The following CLTC variants were observed in gnomAD, a reference collection of about 807,000 sequenced individuals.
The protein encoded by CLTC is clathrin heavy chain.
CLTC carries 16 observed loss-of-function variants against 195.8 expected under a neutral mutation model. The ratio of observed to expected loss-of-function variants is 0.08; its 90% CI spans 0.06 to 0.12. The LOEUF (loss-of-function observed/expected upper bound fraction) is 0.12. CLTC is among the 10% of genes least tolerant of loss of function. The pLI is 1.00. For synonymous variants in CLTC, 667 were observed against 689.4 expected, an observed-to-expected ratio of 0.97 and a Z score of 0.51; for missense variants, 796 against 2,027.0, an observed-to-expected ratio of 0.39 and a Z score of 11.66.
chr17:59,641,603 CAAAAAAAAAAA>C lies in CLTC; in HGVS notation c.43-2659_43-2649del, dbSNP rs34208843. ...CTGGCGACAGAGCAAGACTCCATCTCAAAAAAAAAAAAAAAAAAAAAAAAGAGTTTGTCACT... is the reference window on the plus strand; with the variant it reads ...CTGGCGACAGAGCAAGACTCCATCTCAAAAAAAAAAAAAGAGTTTGTCACT... On this transcript the variant is annotated intron_variant, in intron 1 of 31. Coordinates refer to ENST00000269122, the MANE Select transcript of CLTC (RefSeq NM_004859.4). Among the ~76,000 whole-genome samples, 68 of 48,852 alleles carry C rather than the reference CAAAAAAAAAAA, an allele frequency of 1.4e-3. 1 individual carries two copies. Among genetic ancestry groups the C allele is most frequent in the African/African-American group, 6.1e-3 (67 of 11,038 alleles). 32.0% of individuals were successfully genotyped at this position (48,852 alleles called of 152,430 possible). A position where few individuals can be genotyped will look rare whatever the true frequency, so the allele number is the denominator to read the frequency against.
intron 14 of CLTC, 71 bp downstream of exon 14, chr17:59,669,011 G>T: frequency 7.2e-7 from 1 of 1,380,264 alleles, no homozygotes; most frequent in South Asian, 1.5e-5. Context: ...TTTGGTCATA[G>T]TTCAAAAATA....
intron 30 of CLTC, chr17:59,686,909 C>A (rs769336447): frequency 1.5e-5 from 11 of 746,712 alleles, no homozygotes; most frequent in Non-Finnish European, 1.6e-5. Context: ...TTAGATGTTT[C>A]TTCCCTAAAC....
intron 1 of CLTC, among the ~76,000 whole-genome samples, chr17:59,632,007 C>T (rs547033048): frequency 6.7e-6 from 1 of 149,752 alleles, no homozygotes; most frequent in Non-Finnish European, 1.5e-5. Context: ...AGAAGTAAAT[C>T]CCAGAATTAA....
Position 59,655,965 on chromosome 17 carries a change from A to G in CLTC, c.907A>G (p.Ile303Val), listed in dbSNP as rs1408457952. The G allele has an allele frequency of 6.2e-7, 1 of 1,613,166 alleles. No homozygotes were observed. Among genetic ancestry groups the G allele is most frequent in the African/African-American group, 1.3e-5 (1 of 74,894 alleles). ...IYMNRISGET[I>V]FVTAPHEATA... ...CATGAATAGAATCAGTGGAGAAACA[A>G]TTTTTGTTACTGCACCTCATGAAGC... Residue 303 changes from isoleucine (I) to valine (V), a missense_variant, in exon 6 of 32, where the codon ATT (isoleucine) becomes GTT (valine). Physicochemically the swap from Ile to Val is conservative, Grantham distance 29. Around this residue, in one of 9 missense-constraint regions of CLTC, gnomAD observed 293 missense variants for 795.6 expected, o/e 0.37. Transcript: ENST00000269122.
intron 1 of CLTC, among the ~76,000 whole-genome samples, chr17:59,636,145 AAAAC>A (rs2031854377): frequency 6.6e-6 from 1 of 152,148 alleles, no homozygotes; most frequent in African/African-American, 2.4e-5. Context: ...AAAAAAAAAA[AAAAC>A]AGTCTATATC....
chr17:59,681,649 C>G lies in CLTC; in HGVS notation c.3252C>G (p.Val1084=), dbSNP rs756284105. 6.2e-7 allele frequency: 1 copy of G among 1,610,282 alleles called. No individual in the cohort carries two copies. The highest frequency in any genetic ancestry group is 1.1e-5 in the South Asian group (1 of 90,706). The change falls in exon 21 of 32, where the codon GTC becomes GTG. Residue 1084 remains valine (V), a splice_region_variant and synonymous_variant. Coordinates refer to ENST00000269122, the MANE Select transcript of CLTC (RefSeq NM_004859.4). This position sits in a 1 kb window ranked among gnomAD's most constrained non-coding sequence, Gnocchi z 5.0. ...KFDVNTSAVQ[V]LIEHIGNLDR... Reference sequence around the variant, plus strand: ...TAATTTCAAACTTGGATACTTAGGTCTTAATTGAGCATATTGGAAACTTGG... The same window carrying G: ...TAATTTCAAACTTGGATACTTAGGTGTTAATTGAGCATATTGGAAACTTGG...
At chr17:59,638,703 T>C (rs997746473) in intron 1 of CLTC, among the ~76,000 whole-genome samples, 1 of 152,158 alleles carries the variant, frequency 6.6e-6, no homozygotes, top group African/African-American at 2.4e-5. Flanking sequence ...GAGAATCTAA[T>C]GCCGTGGCTG....
chr17:59,681,583 A>C lies in CLTC; in HGVS notation c.3250-64A>C. 6.4e-7 allele frequency: 1 copy of C among 1,572,996 alleles called. No homozygotes were observed. The highest frequency in any genetic ancestry group is 8.7e-7 in the Non-Finnish European group (1 of 1,151,674). On this transcript the variant is annotated intron_variant, in intron 20 of 31. Coordinates refer to ENST00000269122, the MANE Select transcript of CLTC (RefSeq NM_004859.4). The surrounding 1 kb of genome is among the most constrained non-coding windows in gnomAD (Gnocchi z 5.0). The stretch of plus-strand genomic sequence containing the variant: ...AGCAGCAATAAAATACTAACAGCTT[A>C]AATGTAATTGCTTTGGGTAGGATTG...
At chr17:59,627,193 G>A (rs2031578511) in intron 1 of CLTC, among the ~76,000 whole-genome samples, 1 of 152,150 alleles carries the variant, frequency 6.6e-6, no homozygotes, top group African/African-American at 2.4e-5. Context: ...GAGACACCAA[G>A]CCTTGTCCTA....
rs771780845 is a variant in CLTC at position 59,666,292 on chromosome 17, G to C, written c.1782+52G>C. On this transcript the variant is annotated intron_variant, in intron 11 of 31. Coordinates refer to ENST00000269122, the MANE Select transcript of CLTC (RefSeq NM_004859.4). The surrounding 1 kb of genome is among the most constrained non-coding windows in gnomAD (Gnocchi z 4.9). ...TGTTTCCAACATTGTTTTAGTAATT[G>C]TGCAGCGCCTCTCAGATTGTTATGC... The C allele has an allele frequency of 3.8e-6, 6 of 1,595,418 alleles. No homozygotes were observed. In the South Asian group the frequency reaches 5.5e-5, roughly 15 times the overall value.
At position 59,666,850 on chromosome 17, in the gene CLTC, C is replaced by G. The variant is rs1405877571; in HGVS notation, c.2001C>G (p.Leu667=). ...SLSVEDSLEC[L]RAMLSANIRQ... is the part of the protein sequence containing the mutation. The stretch of plus-strand genomic sequence containing the variant: ...CAGTAGAAGACTCCCTAGAATGTCT[C>G]AGAGCCATGCTGTCTGCCAACATCC... Residue 667 remains leucine, a synonymous_variant, in exon 13 of 32, where the codon CTC becomes CTG. Transcript: ENST00000269122. The surrounding 1 kb of genome is among the most constrained non-coding windows in gnomAD (Gnocchi z 4.9). 2 of 1,613,886 alleles carry G rather than the reference C, an allele frequency of 1.2e-6. No individual in the cohort carries two copies. Among genetic ancestry groups the G allele is most frequent in the Non-Finnish European group, 8.5e-7 (1 of 1,179,964 alleles).
chr17:59,659,909 G>A (rs2032570088), intron 6 of CLTC, among the ~76,000 whole-genome samples: 1 of 152,096 alleles, frequency 6.6e-6, no homozygotes, highest in Non-Finnish European at 1.5e-5. Context: ...AAAATTAAAA[G>A]GAGTATACCT....
In CLTC at chr17:59,693,933, A is replaced by G; in HGVS notation, c.*81A>G. The G allele has an allele frequency of 7.2e-7, 1 of 1,390,140 alleles. No individual in the cohort carries two copies. The highest frequency in any genetic ancestry group is 9.5e-7 in the Non-Finnish European group (1 of 1,049,182). The allele number at this position is 1,390,140 out of a possible 1,614,324, so 86.1% of individuals were successfully genotyped here. A position where few individuals can be genotyped will look rare whatever the true frequency, so the allele number is the denominator to read the frequency against. Reference sequence around the variant, plus strand: ...CACTTCTCAGTTTATAATGGGGGAAAACAGGCAACGTGTTCTTGTAACCTT... The same window carrying G: ...CACTTCTCAGTTTATAATGGGGGAAGACAGGCAACGTGTTCTTGTAACCTT... On this transcript the variant is annotated 3_prime_UTR_variant, in exon 32 of 32. Transcript: ENST00000269122.
chr17:59,674,449 A>G (rs1434058712), intron 15 of CLTC, among the ~76,000 whole-genome samples: 6 of 152,000 alleles, frequency 3.9e-5, no homozygotes, highest in South Asian at 2.1e-4. Context: ...AACTAACCAA[A>G]CCGGTAGAGA....
At chr17:59,671,216 T>C (rs1024575893) in intron 14 of CLTC, 12 of 152,184 alleles carry the variant, frequency 7.9e-5, no homozygotes, top group Non-Finnish European at 1.8e-4. Flanking sequence ...GAGGTGAATT[T>C]AGGGTCTTAC....
chr17:59,649,007 G>T (rs1409974510), intron 4 of CLTC, among the ~76,000 whole-genome samples: 2 of 152,144 alleles, frequency 1.3e-5, no homozygotes, highest in Non-Finnish European at 2.9e-5. Flanking sequence ...AGGCAATGTA[G>T]ACTACAGGTG....
intron 10 of CLTC, 143 bp downstream of exon 10, chr17:59,665,052 C>CTACAA: frequency 1.9e-6 from 2 of 1,046,604 alleles, no homozygotes; most frequent in Admixed American, 5.5e-5. Context: ...TTGTGAGACC[C>CTACAA]TGTAACTACA....
chr17:59,620,249 G>T, intron 1 of CLTC, 76 bp downstream of exon 1: 3 of 1,530,802 alleles, frequency 2.0e-6, no homozygotes, highest in Non-Finnish European at 2.7e-6. Context: ...GTCTGGGCCC[G>T]AGCAGTATCG....
rs190238753 is a variant in CLTC, at chr17:59,696,350, C to T, written c.*2498C>T. The T allele has an allele frequency of 2.4e-4, 52 of 220,976 alleles. No individual in the cohort carries two copies. The highest frequency in any genetic ancestry group is 1.1e-3 in the African/African-American group (49 of 44,720). 13.7% of individuals were successfully genotyped at this position (220,976 alleles called of 1,614,324 possible). On this transcript the variant is annotated 3_prime_UTR_variant, in exon 32 of 32. Coordinates refer to ENST00000269122, the MANE Select transcript of CLTC (RefSeq NM_004859.4). ...TTAGTGTTCTGCCCACAATACTCCA[C>T]CAATGACCTTAGACCTTGAGATGGT...
Sources: gnomAD v4.1 joint callset for allele counts (sites outside exome capture counted in the v4.1 genomes callset) on GRCh38, gnomAD v4.1.1 for gene constraint, gnomAD v4.1.1 regional missense constraint, Gnocchi (gnomAD v3.1) non-coding constraint, MANE v1.5 for transcripts, NCBI Gene and HGNC (gene_info 2026-07-23, HGNC 2026-07-21) for gene names.